Variants in SLC17A1 observed in about 807,000 individuals in gnomAD.
SLC17A1 encodes the protein solute carrier family 17 member 1.
A neutral mutation model predicts 53.5 loss-of-function variants in SLC17A1; 51 were observed. The ratio of observed to expected loss-of-function variants is 0.95; its 90% confidence interval spans 0.76 to 1.20. The LOEUF (loss-of-function observed/expected upper bound fraction) is 1.20, where lower values mean the gene tolerates loss of function less well. Ranked by LOEUF, SLC17A1 falls within the 50% of genes most tolerant of loss-of-function variation. SLC17A1 has a pLI of 0.00. For missense variants in SLC17A1, 538 were observed against 568.2 expected (o/e 0.95, Z 0.54); for synonymous variants, 179 against 198.8 (o/e 0.90, Z 0.84).
chr6:25,812,088 A>C (rs1253940307), intron 8 of SLC17A1, among the ~76,000 whole-genome samples: 1 of 152,190 alleles, frequency 6.6e-6, no homozygotes, highest in African/African-American at 2.4e-5. Flanking sequence ...GATAGGATAA[A>C]GATGACAATT....
At chr6:25,824,693 T>G (rs755169113) in intron 3 of SLC17A1, among the ~76,000 whole-genome samples, 2 of 151,744 alleles carry the variant, frequency 1.3e-5, no homozygotes, top group Non-Finnish European at 3.0e-5. Context: ...TTTTTTCAGG[T>G]ATAAATGATA....
chr6:25,807,278 A>G, intron 10 of SLC17A1, among the ~76,000 whole-genome samples: 1 of 152,148 alleles, frequency 6.6e-6, no homozygotes, highest in East Asian at 1.9e-4. Flanking sequence ...AAGATATGAA[A>G]CCAACCTCAG....
In SLC17A1 at chr6:25,830,626, T is replaced by A; in HGVS notation, c.-50-19A>T. On this transcript the variant is annotated intron_variant, in intron 1 of 12. Transcript: ENST00000244527. ...CCACCCACTGTGAGTGCAAAACACG[T>A]TGATGTCAGCATAATGTAGAGAGGC... 6.3e-7 allele frequency: 1 copy of A among 1,579,000 alleles called. No homozygotes were observed. Among genetic ancestry groups the A allele is most frequent in the South Asian group, 1.1e-5 (1 of 90,290 alleles).
chr6:25,751,825 T>C, the SLC17A1 span, among the ~76,000 whole-genome samples: 2 of 151,648 alleles, frequency 1.3e-5, no homozygotes. Flanking sequence ...AGACCTGATA[T>C]CCACTGTTAC....
intron 2 of SLC17A1, among the ~76,000 whole-genome samples, 159 bp from the exon 3 acceptor site, chr6:25,826,792 T>C (rs927695692): frequency 6.6e-6 from 1 of 152,160 alleles, no homozygotes; most frequent in South Asian, 2.1e-4. Context: ...TAAGAAGATG[T>C]GAGACTGATA....
chr6:25,821,215 C>T (rs1764548230), intron 3 of SLC17A1, among the ~76,000 whole-genome samples: 1 of 152,144 alleles, frequency 6.6e-6, no homozygotes. Context: ...TGTTTGTTGT[C>T]ATCACTATTA....
the SLC17A1 span, chr6:25,726,934 C>T: frequency 1.2e-6 from 2 of 1,613,474 alleles, no homozygotes; most frequent in Non-Finnish European, 1.7e-6. Context: ...TCTAAAGGTG[C>T]TACCATTTCC....
chr6:25,806,251 T>A (rs983347974), intron 10 of SLC17A1, among the ~76,000 whole-genome samples: 15 of 151,944 alleles, frequency 9.9e-5, no homozygotes, highest in African/African-American at 3.6e-4. Context: ...AAATGTGATA[T>A]ATAACATAAA....
chr6:25,743,180 T>C, the SLC17A1 span, among the ~76,000 whole-genome samples: 1 of 152,166 alleles, frequency 6.6e-6, no homozygotes, highest in Non-Finnish European at 1.5e-5. Flanking sequence ...TGAGTACTAC[T>C]TTTTTTTGTA....
chr6:25,823,775 G>A (rs1764645970), intron 3 of SLC17A1, among the ~76,000 whole-genome samples: 2 of 151,924 alleles, frequency 1.3e-5, no homozygotes, highest in African/African-American at 4.8e-5. Flanking sequence ...AAATTCTGAT[G>A]AAGTTCAGTT....
At chr6:25,810,743 A>T (rs1000863123) in intron 10 of SLC17A1, among the ~76,000 whole-genome samples, 1 of 152,088 alleles carries the variant, frequency 6.6e-6, no homozygotes, top group Non-Finnish European at 1.5e-5. Flanking sequence ...CAGCAATTCC[A>T]CTCCTGGGTG....
At chr6:25,743,722 C>T in the SLC17A1 span, among the ~76,000 whole-genome samples, 5 of 152,164 alleles carry the variant, frequency 3.3e-5, no homozygotes, top group Non-Finnish European at 7.3e-5. Context: ...GGTTACTGAG[C>T]ATGCACATAT....
the SLC17A1 span, among the ~76,000 whole-genome samples, chr6:25,764,576 G>C: frequency 6.6e-6 from 1 of 152,220 alleles, no homozygotes; most frequent in East Asian, 1.9e-4. Flanking sequence ...GAGGAGCCAA[G>C]AGCTCATAAA....
chr6:25,736,223 T>G, the SLC17A1 span, among the ~76,000 whole-genome samples: 2 of 152,096 alleles, frequency 1.3e-5, no homozygotes, highest in African/African-American at 4.8e-5. Flanking sequence ...AGAAGAGAAC[T>G]GTTAGTGGGC....
chr6:25,804,598 TAAAA>T (rs557040000), intron 10 of SLC17A1, among the ~76,000 whole-genome samples: 7 of 151,704 alleles, frequency 4.6e-5, no homozygotes, highest in Admixed American at 6.6e-5. Flanking sequence ...GCAGAATTAA[TAAAA>T]AAAATCACAA....
intron 3 of SLC17A1, among the ~76,000 whole-genome samples, chr6:25,821,807 A>G (rs1300584131): frequency 6.6e-6 from 1 of 152,214 alleles, no homozygotes; most frequent in African/African-American, 2.4e-5. Flanking sequence ...AGTACTCCAC[A>G]TATAAATGTA....
At chr6:25,826,980 A>T (rs1764771973) in intron 2 of SLC17A1, among the ~76,000 whole-genome samples, 1 of 152,158 alleles carries the variant, frequency 6.6e-6, no homozygotes, top group Non-Finnish European at 1.5e-5. Flanking sequence ...CTGTCAAGAA[A>T]ACTATTCCTT....
chr6:25,773,268 T>C, the SLC17A1 span: 1 of 1,610,470 alleles, frequency 6.2e-7, no homozygotes, highest in East Asian at 2.2e-5. Context: ...GGATCCCCTT[T>C]TCCTAGGAGG....
chr6:25,735,963 G>C, the SLC17A1 span, among the ~76,000 whole-genome samples: 2 of 152,208 alleles, frequency 1.3e-5, no homozygotes, highest in Non-Finnish European at 2.9e-5. Flanking sequence ...GGAGATTGAA[G>C]AGACATATTT....
Sources: allele counts gnomAD v4.1 joint callset (sites outside exome capture counted in the v4.1 genomes callset), GRCh38; gene constraint gnomAD v4.1.1; transcripts MANE v1.5; gene names NCBI Gene and HGNC (gene_info 2026-07-23, HGNC 2026-07-21).